SH3TC1: variants seen among roughly 807,000 people sequenced by gnomAD.
SH3TC1 encodes SH3 domain and tetratricopeptide repeat-containing protein 1.
A neutral mutation model predicts 117.3 loss-of-function variants in SH3TC1; 135 were observed. The observed-to-expected ratio is 1.15, with a 90% CI of 1.00 to 1.33. The LOEUF is 1.33. Among genes scored for constraint, SH3TC1 ranks in the 40% most tolerant of loss-of-function variants. SH3TC1 has a pLI of 0.00. For missense variants in SH3TC1, 2,092 were observed against 1,794.3 expected, an observed-to-expected ratio of 1.17 and a Z score of -3.00; for synonymous variants, 898 against 816.9, an observed-to-expected ratio of 1.10 and a Z score of -1.69.
chr4:8,223,789 C>A (rs746003005), intron 10 of SH3TC1, among the ~76,000 whole-genome samples: 6 of 152,246 alleles, frequency 3.9e-5, no homozygotes, highest in Non-Finnish European at 7.3e-5. Flanking sequence ...CGCGCCACCA[C>A]ACCCTGGATT....
At chr4:8,224,045 A>ACATG (rs1554135953) in intron 10 of SH3TC1, among the ~76,000 whole-genome samples, 3,680 of 113,800 alleles carry the variant, frequency 0.032, 141 homozygotes, top group African/African-American at 0.09. Flanking sequence ...TCACAAGTAT[A>ACATG]CACACACACA....
Position 8,209,800 on chromosome 4 carries a change from C to A in SH3TC1, c.225C>A (p.Cys75Ter). ...VAGPAAGTPP[C>*]QMGVYPTDLT... ...GGCCTGCTGCTGGGACCCCTCCCTG[C>A]CAGATGGGGGTTTATCCCACAGGTA... The change falls in exon 3 of 18, where the codon TGC (cysteine) becomes TGA (stop). Residue 75 changes from cysteine to a stop codon, truncating the protein, a stop_gained. Coordinates refer to ENST00000245105, the MANE Select transcript of SH3TC1 (RefSeq NM_018986.5). LOFTEE classifies it high-confidence loss of function. This position sits in a 1 kb window ranked among gnomAD's most constrained non-coding sequence, Gnocchi z 5.9. The A allele has an allele frequency of 2.5e-6, 4 of 1,613,524 alleles. No individual in the cohort carries two copies. The highest frequency in any genetic ancestry group is 2.5e-6 in the Non-Finnish European group (3 of 1,179,982).
At chr4:8,185,284 C>T (rs888140292) in intron 1 of SH3TC1, among the ~76,000 whole-genome samples, 5 of 151,830 alleles carry the variant, frequency 3.3e-5, no homozygotes, top group Admixed American at 6.6e-5. Flanking sequence ...TGTGGGGAGC[C>T]GAGATTGAGC....
rs78145107 is a variant in SH3TC1 at position 8,190,501 on chromosome 4, G to A, written c.-57+8291G>A. 0.01 allele frequency among the ~76,000 whole-genome samples: 1,560 copies of A among 152,222 alleles called. 18 individuals are homozygous for A. The highest frequency in any genetic ancestry group is 0.036 in the African/African-American group (1,485 of 41,512). Reference sequence around the variant, plus strand: ...TGTAAGCTGGGATCTGATGTCCCCGGGCTCTTGGGAGAATGGCAGCCTTGC... The same window carrying A: ...TGTAAGCTGGGATCTGATGTCCCCGAGCTCTTGGGAGAATGGCAGCCTTGC... On this transcript the variant is annotated intron_variant, in intron 1 of 16. Coordinates refer to the SH3TC1 transcript ENST00000508641. The surrounding 1 kb of genome is among the most constrained non-coding windows in gnomAD (Gnocchi z 4.7).
At position 8,210,720 on chromosome 4, in the gene SH3TC1, A is replaced by G. The variant is rs1718584699; in HGVS notation, c.247+898A>G. Among the ~76,000 whole-genome samples the G allele has an allele frequency of 8.1e-6, 1 of 124,006 alleles. No homozygotes were observed. The highest frequency in any genetic ancestry group is 1.6e-5 in the Non-Finnish European group (1 of 62,644). 81.4% of individuals were successfully genotyped at this position (124,006 alleles called of 152,430 possible). ...AGAGGTAGTGAGCCGAGATTGCGCC[A>G]TTGCACTCCAGCCTGGGCAACTTCT... On this transcript the variant is annotated intron_variant, in intron 3 of 17. Transcript: ENST00000245105. The surrounding 1 kb of genome is among the most constrained non-coding windows in gnomAD (Gnocchi z 4.1).
chr4:8,187,108 C>T (rs952561375), intron 1 of SH3TC1, among the ~76,000 whole-genome samples: 7 of 152,214 alleles, frequency 4.6e-5, no homozygotes, highest in African/African-American at 1.4e-4. Flanking sequence ...CTGCCAGGCA[C>T]AGTTAATATC....
intron 17 of SH3TC1, among the ~76,000 whole-genome samples, 186 bp downstream of exon 17, chr4:8,237,856 C>T (rs532358087): frequency 6.6e-6 from 1 of 152,246 alleles, no homozygotes; most frequent in East Asian, 1.9e-4. Context: ...GCGGCCAGGC[C>T]TCACCCTCAA....
chr4:8,191,298 C>T (rs911234606), intron 1 of SH3TC1, among the ~76,000 whole-genome samples: 7 of 152,206 alleles, frequency 4.6e-5, no homozygotes, highest in Non-Finnish European at 8.8e-5. Flanking sequence ...CAGGACATTC[C>T]GGCCAGTTCG....
chr4:8,183,269 C>A lies in SH3TC1; in HGVS notation c.-57+1059C>A, dbSNP rs1263129586. On this transcript the variant is annotated intron_variant, in intron 1 of 16. Transcript: ENST00000508641. This position sits in a 1 kb window ranked among gnomAD's most constrained non-coding sequence, Gnocchi z 5.4. The stretch of plus-strand genomic sequence containing the variant: ...CCTCGTTTACAGAGGAAGGCCGGCG[C>A]TCAAGGTGGCAGGACTGGCTGAGGA... Among the ~76,000 whole-genome samples, 1 of 152,226 alleles carries A rather than the reference C, an allele frequency of 6.6e-6. No homozygotes were observed. Among genetic ancestry groups the A allele is most frequent in the Admixed American group, 6.5e-5 (1 of 15,286 alleles).
intron 9 of SH3TC1, among the ~76,000 whole-genome samples, chr4:8,222,422 G>A (rs1015541430): frequency 7.0e-6 from 1 of 143,206 alleles, no homozygotes; most frequent in Non-Finnish European, 1.5e-5. Context: ...CACCCAGGCT[G>A]GAGTGCAGTG....
At chr4:8,212,557 C>A in intron 3 of SH3TC1, 144 bp from the exon 4 acceptor site, 1 of 1,134,448 alleles carries the variant, frequency 8.8e-7, no homozygotes, top group South Asian at 1.5e-5. Context: ...AGATCTAAAC[C>A]CGGGGCTTGG....
Position 8,186,224 on chromosome 4 carries a change from G to C in SH3TC1, c.-57+4014G>C, listed in dbSNP as rs1717219424. On this transcript the variant is annotated intron_variant, in intron 1 of 16. Coordinates refer to the SH3TC1 transcript ENST00000508641. The surrounding 1 kb of genome is among the most constrained non-coding windows in gnomAD (Gnocchi z 5.2). ...CCAAGACCAGCAGCAAAATTTGCTT[G>C]TTGCACATTAAAAGTAATGGGAGTG... Among the ~76,000 whole-genome samples, 1 of 152,222 alleles carries C rather than the reference G, an allele frequency of 6.6e-6. No homozygotes were observed. The highest frequency in any genetic ancestry group is 1.5e-5 in the Non-Finnish European group (1 of 68,048).
rs556272964 is a variant in SH3TC1 at position 8,183,129 on chromosome 4, T to A, written c.-57+919T>A. ...TCAGTTTCTCAGCATGCCATCCGCC[T>A]GGCGACCTTGCCTCCCTCTCCCGCT... On this transcript the variant is annotated intron_variant, in intron 1 of 16. Coordinates refer to the SH3TC1 transcript ENST00000508641. This position sits in a 1 kb window ranked among gnomAD's most constrained non-coding sequence, Gnocchi z 5.4. Among the ~76,000 whole-genome samples, 3 of 152,134 alleles carry A rather than the reference T, an allele frequency of 2.0e-5. No homozygotes were observed. The highest frequency in any genetic ancestry group is 4.4e-5 in the Non-Finnish European group (3 of 68,000).
rs58753240 is a variant in SH3TC1, at chr4:8,206,832, C to CGTGTGTGT, written c.172+1496_172+1503dup. On this transcript the variant is annotated intron_variant, in intron 2 of 17. Transcript: ENST00000245105. The surrounding 1 kb of genome is among the most constrained non-coding windows in gnomAD (Gnocchi z 5.5). ...AGGACTTTTACTTTGTGTGTGTACT[C>CGTGTGTGT]GTGTGTGTGTGTGTGTGTGTGTGTG... Among the ~76,000 whole-genome samples, 1,270 of 144,736 alleles carry CGTGTGTGT rather than the reference C, an allele frequency of 8.8e-3. 19 individuals are homozygous for CGTGTGTGT. The highest frequency in any genetic ancestry group is 0.031 in the African/African-American group (1,206 of 39,282). The allele number at this position is 144,736 out of a possible 152,430, so 95.0% of individuals were successfully genotyped here. A position where few individuals can be genotyped will look rare whatever the true frequency, so the allele number is the denominator to read the frequency against.
chr4:8,214,494 T>C lies in SH3TC1; in HGVS notation c.395T>C (p.Leu132Pro), dbSNP rs1248926024. 2 of 1,613,924 alleles carry C rather than the reference T, an allele frequency of 1.2e-6. No homozygotes were observed. Among genetic ancestry groups the C allele is most frequent in the Admixed American group, 1.7e-5 (1 of 60,002 alleles). ...RVLGELSARL[L>P]SIHSDQDRIV... ...CTTAAGGAATTATCAGCCAGGCTGC[T>C]GTCCATCCACAGTGACCAGGACCGG... The change falls in exon 5 of 18, where the codon CTG becomes CCG. Residue 132 changes from leucine (L) to proline (P), a missense_variant. Leu to Pro is a moderately conservative substitution (Grantham distance 98, BLOSUM62 -3). Coordinates refer to ENST00000245105, the MANE Select transcript of SH3TC1 (RefSeq NM_018986.5).
At position 8,210,132 on chromosome 4, in the gene SH3TC1, T is replaced by C. The variant is rs1718532899; in HGVS notation, c.247+310T>C. Among the ~76,000 whole-genome samples, 1 of 151,870 alleles carries C rather than the reference T, an allele frequency of 6.6e-6. No individual in the cohort carries two copies. The highest frequency in any genetic ancestry group is 2.4e-5 in the African/African-American group (1 of 41,372). On this transcript the variant is annotated intron_variant, in intron 3 of 17. Transcript: ENST00000245105. This position sits in a 1 kb window ranked among gnomAD's most constrained non-coding sequence, Gnocchi z 4.1. ...TTCACAGGTGCCATATGGTAAGAGG[T>C]AGACGAAAGTACCCACTGCGTCGTG...
chr4:8,205,676 A>T lies in SH3TC1; in HGVS notation c.172+310A>T, dbSNP rs1718149537. ...CATGTTCAGAGACCGTTCCAGAAAC[A>T]GTCCGATGGGTTTGGCCTTGGAACC... On this transcript the variant is annotated intron_variant, in intron 2 of 17. Coordinates refer to ENST00000245105, the MANE Select transcript of SH3TC1 (RefSeq NM_018986.5). The surrounding 1 kb of genome is among the most constrained non-coding windows in gnomAD (Gnocchi z 5.4). The T allele has an allele frequency of 1.3e-6, 1 of 751,338 alleles. No homozygotes were observed. The highest frequency in any genetic ancestry group is 1.7e-5 in the African/African-American group (1 of 58,828). The allele number at this position is 751,338 out of a possible 1,614,324, so 46.5% of individuals were successfully genotyped here. A position where few individuals can be genotyped will look rare whatever the true frequency, so the allele number is the denominator to read the frequency against.
At chr4:8,217,231 ATCTGGAGG>A in intron 7 of SH3TC1, 64 bp downstream of exon 7, 1 of 1,540,088 alleles carries the variant, frequency 6.5e-7, no homozygotes, top group Non-Finnish European at 8.8e-7. Flanking sequence ...GGCCCGGGTC[ATCTGGAGG>A]TCAAGGGGAT....
At chr4:8,221,870 CT>C (rs1719950680) in intron 9 of SH3TC1, among the ~76,000 whole-genome samples, 1 of 152,126 alleles carries the variant, frequency 6.6e-6, no homozygotes, top group East Asian at 1.9e-4. Flanking sequence ...TGTGAAACAG[CT>C]TTTCAGTCTT....
Sources: allele counts gnomAD v4.1 joint callset (sites outside exome capture counted in the v4.1 genomes callset), GRCh38; gene constraint gnomAD v4.1.1; non-coding constraint Gnocchi (gnomAD v3.1); transcripts MANE v1.5; gene names NCBI Gene and HGNC (gene_info 2026-07-23, HGNC 2026-07-21).